EFR3B: variants seen among roughly 807,000 people sequenced by gnomAD.
EFR3B encodes the protein EFR3 homolog B, also known as protein EFR3 homolog B.
In EFR3B, 64 loss-of-function variants were observed where a neutral mutation model predicts 104.7. The observed-to-expected ratio is 0.61, with a 90% CI of 0.50 to 0.75. The LOEUF (loss-of-function observed/expected upper bound fraction) is 0.75, where lower values mean the gene tolerates loss of function less well. EFR3B is among the 30% of genes least tolerant of loss of function. EFR3B has a pLI of 0.00. For synonymous variants in EFR3B, 385 were observed against 417.9 expected (o/e 0.92, Z 0.96); for missense variants, 750 against 1,078.5 (o/e 0.70, Z 4.27).
At chr2:25,122,175 C>T (rs1189863064) in intron 5 of EFR3B, among the ~76,000 whole-genome samples, 1 of 152,060 alleles carries the variant, frequency 6.6e-6, no homozygotes, top group African/African-American at 2.4e-5. Context: ...CCATGTTGGC[C>T]AGGCTCATCT....
Position 25,131,461 on chromosome 2 carries a change from G to A in EFR3B, c.943G>A (p.Val315Ile). Residue 315 changes from valine (V) to isoleucine (I), a missense_variant, in exon 9 of 23, where the codon GTC (valine) becomes ATC (isoleucine). Val to Ile is a conservative substitution (Grantham distance 29). Transcript: ENST00000403714. The surrounding 1 kb of genome is among the most constrained non-coding windows in gnomAD (Gnocchi z 7.6). ...AATVRAGIVE[V>I]LSEAAVIAAT... ...GACGGTGCGCGCGGGCATCGTGGAA[G>A]TCTTGTCGGAAGCCGCGGTCATCGC... 6 of 1,550,628 alleles carry A rather than the reference G, an allele frequency of 3.9e-6. No individual in the cohort carries two copies. The highest frequency in any genetic ancestry group is 5.2e-6 in the Non-Finnish European group (6 of 1,146,862).
intron 19 of EFR3B, among the ~76,000 whole-genome samples, chr2:25,148,293 G>A (rs928154366): frequency 6.7e-6 from 1 of 148,556 alleles, no homozygotes; most frequent in Non-Finnish European, 1.5e-5. Context: ...TCCCTCTGTC[G>A]CCCAGGCTGG....
intron 5 of EFR3B, among the ~76,000 whole-genome samples, chr2:25,124,483 T>C (rs1278219678): frequency 1.3e-5 from 2 of 151,848 alleles, no homozygotes; most frequent in South Asian, 2.1e-4. Context: ...TCCCAGCACT[T>C]TGGGAGGCCG....
intron 1 of EFR3B, among the ~76,000 whole-genome samples, chr2:25,085,310 G>A (rs900631798): frequency 1.3e-5 from 2 of 152,118 alleles, no homozygotes; most frequent in African/African-American, 4.8e-5. Flanking sequence ...GACAGAAGCA[G>A]GACTTAAACA....
At chr2:25,069,417 C>T (rs1196424711) in intron 1 of EFR3B, among the ~76,000 whole-genome samples, 2 of 152,192 alleles carry the variant, frequency 1.3e-5, no homozygotes. Context: ...GGCTAGGCGA[C>T]CCCCAAAGTG....
At chr2:25,143,386 T>C (rs956394535) in intron 17 of EFR3B, among the ~76,000 whole-genome samples, 3 of 152,064 alleles carry the variant, frequency 2.0e-5, no homozygotes, top group Non-Finnish European at 2.9e-5. Flanking sequence ...TGGCCGGGCA[T>C]GGTGGCTCAC....
intron 1 of EFR3B, among the ~76,000 whole-genome samples, chr2:25,071,391 G>A (rs990095959): frequency 2.9e-4 from 44 of 151,874 alleles, no homozygotes; most frequent in African/African-American, 1.0e-3. Context: ...CTCCTGAGTA[G>A]CTGGGATTAC....
At chr2:25,143,091 C>T (rs1670718818) in intron 17 of EFR3B, among the ~76,000 whole-genome samples, 1 of 150,710 alleles carries the variant, frequency 6.6e-6, no homozygotes, top group Non-Finnish European at 1.5e-5. Flanking sequence ...ACTAAAAATA[C>T]AAAAAATTAG....
At chr2:25,081,324 G>A (rs756417753) in intron 1 of EFR3B, 9 of 904,250 alleles carry the variant, frequency 1.0e-5, no homozygotes, top group Non-Finnish European at 1.6e-5. Context: ...AACTTCTTTT[G>A]AACCTGCTTC....
intron 1 of EFR3B, among the ~76,000 whole-genome samples, chr2:25,075,583 C>G (rs1668610047): frequency 6.6e-6 from 1 of 152,162 alleles, no homozygotes; most frequent in Non-Finnish European, 1.5e-5. Flanking sequence ...ACAGTTAATT[C>G]TTATGATCCT....
intron 1 of EFR3B, among the ~76,000 whole-genome samples, chr2:25,051,637 G>GTT (rs1553383963): frequency 0.02 from 2,677 of 136,724 alleles, 112 homozygotes; most frequent in African/African-American, 0.07. Flanking sequence ...GTGTGTGTGT[G>GTT]TTTTTTTTTT....
Position 25,118,018 on chromosome 2 carries a change from C to T in EFR3B, c.364-3655C>T, listed in dbSNP as rs536394340. 1.3e-3 allele frequency among the ~76,000 whole-genome samples: 202 copies of T among 152,044 alleles called. 4 individuals are homozygous for T. The Middle Eastern group carries it at 0.058, about 44-fold the overall frequency. On this transcript the variant is annotated intron_variant, in intron 4 of 22. Transcript: ENST00000403714. ...ATTTTGAGACTGAGTCTCGTTCTGT[C>T]GCCCAGGCTGGAGTGCAGTGGTGTG... is the stretch of plus-strand genomic sequence containing the variant.
intron 4 of EFR3B, among the ~76,000 whole-genome samples, chr2:25,104,221 G>A (rs770941922): frequency 7.2e-5 from 11 of 151,830 alleles, no homozygotes; most frequent in Non-Finnish European, 1.0e-4. Flanking sequence ...AAAATTAGCC[G>A]GATGTCATGG....
At chr2:25,106,879 C>T (rs534802505) in intron 4 of EFR3B, among the ~76,000 whole-genome samples, 1 of 152,286 alleles carries the variant, frequency 6.6e-6, no homozygotes, top group South Asian at 2.1e-4. Context: ...CTACCACGCC[C>T]GGTCCTTTCC....
In EFR3B at chr2:25,154,316, G is replaced by A; in HGVS notation, c.2430G>A (p.Lys810=). The change falls in exon 23 of 23, where the codon AAG becomes AAA. Residue 810 remains lysine, a synonymous_variant. Transcript: ENST00000403714. This position sits in a 1 kb window ranked among gnomAD's most constrained non-coding sequence, Gnocchi z 4.1. ...ACTCCATCCCCGTCTATGAAATGAAGTTTCCCGATCTGTGTGTATACTGAA... is the reference window on the plus strand; with the variant it reads ...ACTCCATCCCCGTCTATGAAATGAAATTTCCCGATCTGTGTGTATACTGAA... ...QNHSIPVYEM[K]FPDLCVY The A allele has an allele frequency of 6.4e-7, 1 of 1,552,176 alleles. No homozygotes were observed. Among genetic ancestry groups the A allele is most frequent in the Non-Finnish European group, 8.7e-7 (1 of 1,147,104 alleles).
chr2:25,055,733 A>G (rs1386382464), intron 1 of EFR3B, among the ~76,000 whole-genome samples: 3 of 152,190 alleles, frequency 2.0e-5, no homozygotes, highest in African/African-American at 2.4e-5. Flanking sequence ...ACGACTTACA[A>G]TGAAGGGATG....
chr2:25,138,684 G>T (rs1317798185), intron 15 of EFR3B, among the ~76,000 whole-genome samples: 1 of 152,178 alleles, frequency 6.6e-6, no homozygotes, highest in African/African-American at 2.4e-5. Flanking sequence ...GCCCAGTTTA[G>T]CAAGCCAATC....
Position 25,091,410 on chromosome 2 carries a change from T to G in EFR3B, c.84+9T>G. The G allele has an allele frequency of 5.8e-6, 9 of 1,547,750 alleles. No homozygotes were observed. The highest frequency in any genetic ancestry group is 7.9e-6 in the Non-Finnish European group (9 of 1,145,464). On this transcript the variant is annotated intron_variant, in intron 2 of 22. Transcript: ENST00000403714. ...TCCCTGAGGATCCCGAGGTGGGTCA[T>G]GTCTCTGGCAGGCATCGTGGCTCTC...
chr2:25,080,025 C>T, intron 1 of EFR3B: 1 of 898,614 alleles, frequency 1.1e-6, no homozygotes, highest in South Asian at 1.3e-5. Flanking sequence ...TTTAAGCCCA[C>T]TGTCTGCTCT....
Sources: gnomAD v4.1 joint callset for allele counts (sites outside exome capture counted in the v4.1 genomes callset) on GRCh38, gnomAD v4.1.1 for gene constraint, Gnocchi (gnomAD v3.1) non-coding constraint, MANE v1.5 for transcripts, NCBI Gene and HGNC (gene_info 2026-07-23, HGNC 2026-07-21) for gene names.